The following TAOK1 variants were observed in gnomAD, a reference collection of about 807,000 sequenced individuals.
TAOK1 encodes serine/threonine-protein kinase TAO1.
A neutral mutation model predicts 138.3 loss-of-function variants in TAOK1; 21 were observed. The ratio of observed to expected loss-of-function variants is 0.15; its 90% confidence interval spans 0.11 to 0.22. TAOK1 has a LOEUF of 0.22. Ranked by LOEUF, TAOK1 falls within the 10% of genes least tolerant of loss-of-function variation. The probability of loss-of-function intolerance (pLI) is 1.00; values close to 1 mark genes in which losing one functional copy is unlikely to be tolerated. For missense variants in TAOK1, 651 were observed against 1,227.7 expected (o/e 0.53, Z 7.02); for synonymous variants, 361 against 398.4 (o/e 0.91, Z 1.12).
chr17:29,527,078 G>A (rs2032024455), intron 17 of TAOK1, among the ~76,000 whole-genome samples: 1 of 151,868 alleles, frequency 6.6e-6, no homozygotes, highest in African/African-American at 2.4e-5. Context: ...GTGAGCTGAG[G>A]TAGCGCCACT....
chr17:29,448,467 G>C (rs1276221097), intron 1 of TAOK1, among the ~76,000 whole-genome samples: 1 of 152,098 alleles, frequency 6.6e-6, no homozygotes, highest in African/African-American at 2.4e-5. Context: ...TAAATTCCAA[G>C]ATAGACATAC....
chr17:29,507,219 T>C (rs1232925273), intron 13 of TAOK1, among the ~76,000 whole-genome samples: 2 of 152,034 alleles, frequency 1.3e-5, no homozygotes, highest in Non-Finnish European at 2.9e-5. Context: ...TTTAAGGTGA[T>C]TAATTTTATG....
At chr17:29,533,801 G>C (rs959224254) in intron 18 of TAOK1, among the ~76,000 whole-genome samples, 1 of 13,546 alleles carries the variant, frequency 7.4e-5, no homozygotes, top group Admixed American at 9.1e-4. Context: ...GTACAGTCCA[G>C]CTTCGGCTCG....
intron 15 of TAOK1, chr17:29,511,948 T>C (rs2031728096): frequency 6.6e-6 from 1 of 152,158 alleles, no homozygotes; most frequent in African/African-American, 2.4e-5. Context: ...AAGGGAGATA[T>C]TTGCTTATCA....
intron 11 of TAOK1, among the ~76,000 whole-genome samples, chr17:29,496,649 A>G (rs539418719): frequency 2.2e-4 from 30 of 135,090 alleles, no homozygotes; most frequent in South Asian, 1.4e-3. Context: ...GTACAGTGGC[A>G]CGATCTCGGC....
rs76938440 is a variant in TAOK1, at chr17:29,482,181, T to G, written c.564-16T>G. 8.3e-4 allele frequency: 1,316 copies of G among 1,578,994 alleles called. No homozygotes were observed. Among genetic ancestry groups the G allele is most frequent in the African/African-American group, 7.7e-3 (565 of 73,544 alleles). On this transcript the variant is annotated splice_polypyrimidine_tract_variant and intron_variant, in intron 7 of 19. Transcript: ENST00000261716. ...TTTAAAAAAAATCTTTAATTTAAATTAACGTTTTGTTCTAGGATGGCCCCA... is the reference window on the plus strand; with the variant it reads ...TTTAAAAAAAATCTTTAATTTAAATGAACGTTTTGTTCTAGGATGGCCCCA...
At position 29,394,150 on chromosome 17, in the gene TAOK1, GTTTTTTTTTTTTTTTTTTT is replaced by G. The variant is rs58117433; in HGVS notation, c.-95+3141_-95+3159del. On this transcript the variant is annotated intron_variant, in intron 1 of 19. Transcript: ENST00000261716. ...TATGATTTATTTTAATAATTTGCCA[GTTTTTTTTTTTTTTTTTTT>G]TTTTTTTTTTTTTTGAGACGGAGTC... Among the ~76,000 whole-genome samples the G allele has an allele frequency of 1.4e-3, 69 of 48,294 alleles. 1 individual carries two copies. Among genetic ancestry groups the G allele is most frequent in the Non-Finnish European group, 2.1e-3 (58 of 27,604 alleles). 31.7% of individuals were successfully genotyped at this position (48,294 alleles called of 152,430 possible). A position where few individuals can be genotyped will look rare whatever the true frequency, so the allele number is the denominator to read the frequency against.
At chr17:29,420,914 A>G (rs1905421667) in intron 1 of TAOK1, among the ~76,000 whole-genome samples, 2 of 151,400 alleles carry the variant, frequency 1.3e-5, no homozygotes, top group Admixed American at 6.6e-5. Context: ...ATTGCATGTG[A>G]TATTAGCTAT....
chr17:29,447,127 A>G (rs971256856), intron 1 of TAOK1, among the ~76,000 whole-genome samples: 2 of 150,306 alleles, frequency 1.3e-5, no homozygotes, highest in East Asian at 2.0e-4. Context: ...AGAGTGCACT[A>G]CAACCTCACA....
intron 2 of TAOK1, among the ~76,000 whole-genome samples, chr17:29,455,535 G>A (rs1484290770): frequency 6.6e-6 from 1 of 150,566 alleles, no homozygotes; most frequent in Non-Finnish European, 1.5e-5. Context: ...AAGTGAGCAT[G>A]TTGTCTTGTT....
chr17:29,409,170 T>G (rs893248504), intron 1 of TAOK1, among the ~76,000 whole-genome samples: 1 of 151,998 alleles, frequency 6.6e-6, no homozygotes, highest in African/African-American at 2.4e-5. Flanking sequence ...TCATTTCTTT[T>G]TATTGCTTAG....
intron 3 of TAOK1, among the ~76,000 whole-genome samples, chr17:29,467,549 G>A (rs955685674): frequency 6.6e-5 from 10 of 152,222 alleles, no homozygotes; most frequent in Non-Finnish European, 1.5e-4. Flanking sequence ...TGGGATTACA[G>A]GCGTGAGCCA....
intron 1 of TAOK1, among the ~76,000 whole-genome samples, chr17:29,406,390 A>T (rs7208363): frequency 0.42 from 64,194 of 151,816 alleles, 14,740 homozygotes; most frequent in East Asian, 0.88. Context: ...AAAGGGTATT[A>T]TATACCTGAG....
rs1324736670 is a variant in TAOK1 at position 29,539,209 on chromosome 17, GCCAA to G, written c.2545-3351_2545-3348del. Among the ~76,000 whole-genome samples, 13 of 152,172 alleles carry G rather than the reference GCCAA, an allele frequency of 8.5e-5. No individual in the cohort carries two copies. The South Asian group carries it at 2.7e-3, about 32-fold the overall frequency. ...ACCTGAGAGGTAGAGGTTGCAGTGAGCCAAGATTGCACCACTGCACTCCAGCCTG... is the reference window on the plus strand; with the variant it reads ...ACCTGAGAGGTAGAGGTTGCAGTGAGGATTGCACCACTGCACTCCAGCCTG... On this transcript the variant is annotated intron_variant, in intron 19 of 19. Coordinates refer to ENST00000261716, the MANE Select transcript of TAOK1 (RefSeq NM_020791.4).
intron 9 of TAOK1, among the ~76,000 whole-genome samples, chr17:29,490,228 T>C (rs1479299429): frequency 2.6e-5 from 4 of 152,138 alleles, no homozygotes; most frequent in Non-Finnish European, 5.9e-5. Flanking sequence ...TTGGGATCAC[T>C]CTAATTATCA....
At chr17:29,397,625 T>C (rs1278034649) in intron 1 of TAOK1, among the ~76,000 whole-genome samples, 3 of 62,514 alleles carry the variant, frequency 4.8e-5, no homozygotes, top group East Asian at 1.3e-3. Flanking sequence ...TATATATATA[T>C]ATATACATGT....
intron 1 of TAOK1, among the ~76,000 whole-genome samples, chr17:29,417,667 A>G (rs1028135856): frequency 2.6e-5 from 4 of 152,074 alleles, no homozygotes; most frequent in African/African-American, 9.7e-5. Context: ...TGTCTACTTG[A>G]AAGCCTTGCC....
At chr17:29,533,856 G>A (rs2032176295) in intron 18 of TAOK1, among the ~76,000 whole-genome samples, 1 of 149,062 alleles carries the variant, frequency 6.7e-6, no homozygotes, top group Non-Finnish European at 1.5e-5. Context: ...AGGGGGAGAG[G>A]GGATTCTAGG....
intron 3 of TAOK1, among the ~76,000 whole-genome samples, chr17:29,474,156 G>C (rs2030892659): frequency 6.6e-6 from 1 of 152,178 alleles, no homozygotes; most frequent in African/African-American, 2.4e-5. Flanking sequence ...TAGAGTTAAA[G>C]AGAGTTAGGG....
Sources: allele counts gnomAD v4.1 joint callset (sites outside exome capture counted in the v4.1 genomes callset), GRCh38; gene constraint gnomAD v4.1.1; transcripts MANE v1.5; gene names NCBI Gene and HGNC (gene_info 2026-07-23, HGNC 2026-07-21).